CACNA2D1: variants seen among roughly 807,000 people sequenced by gnomAD.
The protein encoded by CACNA2D1 is voltage-dependent calcium channel subunit alpha-2/delta-1.
Under a neutral mutation model 171.5 loss-of-function variants are expected in CACNA2D1, and 53 were observed. That is an observed-to-expected ratio of 0.31 (90% confidence interval 0.25 to 0.39). CACNA2D1 has a LOEUF of 0.39. Among genes scored for constraint, CACNA2D1 ranks in the 10% least tolerant of loss-of-function variants. The probability of loss-of-function intolerance (pLI) is 1.00; values close to 1 mark genes in which losing one functional copy is unlikely to be tolerated. For missense variants in CACNA2D1, 903 were observed against 1,299.8 expected (o/e 0.69, Z 4.69); for synonymous variants, 442 against 443.1 (o/e 1.00, Z 0.03).
chr7:82,400,427 A>G (rs1826251621), intron 1 of CACNA2D1, among the ~76,000 whole-genome samples: 1 of 152,112 alleles, frequency 6.6e-6, no homozygotes, highest in African/African-American at 2.4e-5. Flanking sequence ...CATCCCTTGT[A>G]AGTTGGATTA....
chr7:82,370,910 A>T (rs997961572), intron 1 of CACNA2D1, among the ~76,000 whole-genome samples: 2 of 152,226 alleles, frequency 1.3e-5, no homozygotes, highest in Admixed American at 6.5e-5. Flanking sequence ...AAAGATCCCA[A>T]GAACTTTAGT....
intron 3 of CACNA2D1, among the ~76,000 whole-genome samples, chr7:82,278,151 C>T (rs1252469185): frequency 6.6e-6 from 1 of 152,088 alleles, no homozygotes; most frequent in African/African-American, 2.4e-5. Context: ...TGGTATGATT[C>T]CCATATAAAA....
chr7:82,120,402 T>C (rs1039343551), intron 5 of CACNA2D1, among the ~76,000 whole-genome samples: 2 of 152,210 alleles, frequency 1.3e-5, no homozygotes, highest in African/African-American at 4.8e-5. Context: ...TTTTTTAAAG[T>C]CTCGATTACT....
chr7:82,024,360 A>G (rs1352711351), intron 12 of CACNA2D1, among the ~76,000 whole-genome samples: 1 of 151,594 alleles, frequency 6.6e-6, no homozygotes, highest in Admixed American at 6.6e-5. Context: ...GTAAGAGATG[A>G]TATCTCATTT....
At position 82,297,072 on chromosome 7, in the gene CACNA2D1, C is replaced by CAAAAAAAAAAAAAAAAAAAA. The variant is rs57473351; in HGVS notation, c.294+38043_294+38062dup. The stretch of plus-strand genomic sequence containing the variant: ...AAACATAGTGAGGCTCTGTGTCTAC[C>CAAAAAAAAAAAAAAAAAAAA]AAAAAAAAAAAAAAAAAAAAAAAAA... On this transcript the variant is annotated intron_variant, in intron 3 of 38. Coordinates refer to ENST00000356860, the MANE Select transcript of CACNA2D1 (RefSeq NM_000722.4). Among the ~76,000 whole-genome samples the CAAAAAAAAAAAAAAAAAAAA allele has an allele frequency of 1.7e-4, 12 of 72,238 alleles. 1 individual carries two copies. The highest frequency in any genetic ancestry group is 1.7e-4 in the Non-Finnish European group (7 of 40,438). The allele number at this position is 72,238 out of a possible 152,430, so 47.4% of individuals were successfully genotyped here.
intron 1 of CACNA2D1, among the ~76,000 whole-genome samples, chr7:82,418,257 CCT>C (rs1381231197): frequency 2.0e-5 from 3 of 152,038 alleles, no homozygotes; most frequent in Admixed American, 6.5e-5. Context: ...AAACCAGCCC[CCT>C]GATTCAATTA....
At chr7:82,357,080 T>C (rs889315553) in intron 1 of CACNA2D1, among the ~76,000 whole-genome samples, 1 of 152,150 alleles carries the variant, frequency 6.6e-6, no homozygotes, top group African/African-American at 2.4e-5. Context: ...TACTTCACTT[T>C]ATTGTACAGA....
chr7:82,296,882 G>A (rs1236685005), intron 3 of CACNA2D1, among the ~76,000 whole-genome samples: 4 of 151,912 alleles, frequency 2.6e-5, no homozygotes, highest in Admixed American at 2.6e-4. Context: ...GACTGCCTAT[G>A]TATCTGCAAA....
chr7:81,957,447 G>C (rs987388076), intron 38 of CACNA2D1, among the ~76,000 whole-genome samples: 4 of 151,994 alleles, frequency 2.6e-5, no homozygotes, highest in African/African-American at 9.7e-5. Flanking sequence ...AAAAATTAGA[G>C]AAAGTGACTG....
At chr7:82,012,126 T>A in intron 15 of CACNA2D1, 28 bp downstream of exon 15, 2 of 1,263,064 alleles carry the variant, frequency 1.6e-6, no homozygotes, top group Non-Finnish European at 2.3e-6. Context: ...GTTATGACAG[T>A]CTTTGACTGA....
At chr7:82,026,716 A>G (rs1347532708) in intron 12 of CACNA2D1, among the ~76,000 whole-genome samples, 1 of 151,728 alleles carries the variant, frequency 6.6e-6, no homozygotes, top group Non-Finnish European at 1.5e-5. Flanking sequence ...AAGTTAGAAC[A>G]TGTTCCTCAA....
At chr7:82,418,482 T>C (rs1419317027) in intron 1 of CACNA2D1, among the ~76,000 whole-genome samples, 1 of 152,172 alleles carries the variant, frequency 6.6e-6, no homozygotes, top group East Asian at 1.9e-4. Flanking sequence ...GCAGAGATAC[T>C]ACTTTTTGAT....
intron 4 of CACNA2D1, among the ~76,000 whole-genome samples, chr7:82,138,735 C>T (rs1478369451): frequency 2.0e-5 from 3 of 152,084 alleles, no homozygotes; most frequent in East Asian, 1.9e-4. Context: ...CGTGAGCCAC[C>T]GCGCCCGACC....
At position 82,009,663 on chromosome 7, in the gene CACNA2D1, A is replaced by C. The variant is rs375955890; in HGVS notation, c.1363-1907T>G. Among the ~76,000 whole-genome samples, 7 of 152,082 alleles carry C rather than the reference A, an allele frequency of 4.6e-5. No homozygotes were observed. The East Asian group carries it at 1.3e-3, about 29-fold the overall frequency. ...CATAATTTGCTTCTAAAAATGGTAA[A>C]ATGTAGCCTAAAGTGAGTTACTAGA... On this transcript the variant is annotated intron_variant, in intron 15 of 38. Coordinates refer to ENST00000356860, the MANE Select transcript of CACNA2D1 (RefSeq NM_000722.4).
intron 10 of CACNA2D1, among the ~76,000 whole-genome samples, chr7:82,058,250 G>A (rs1478593949): frequency 6.6e-6 from 1 of 152,110 alleles, no homozygotes; most frequent in Non-Finnish European, 1.5e-5. Context: ...AGTGTTTCCT[G>A]TGATCACCTC....
At chr7:82,039,317 TTTA>T (rs1297674938) in intron 10 of CACNA2D1, among the ~76,000 whole-genome samples, 4 of 152,142 alleles carry the variant, frequency 2.6e-5, no homozygotes, top group African/African-American at 9.7e-5. Flanking sequence ...AGTTCATCAG[TTTA>T]TTAAGCAAAT....
chr7:82,280,066 C>A (rs2129371276), intron 3 of CACNA2D1, among the ~76,000 whole-genome samples: 1 of 152,094 alleles, frequency 6.6e-6, no homozygotes, highest in Non-Finnish European at 1.5e-5. Context: ...TTTTAAAAAC[C>A]TGGTATTGAT....
intron 3 of CACNA2D1, among the ~76,000 whole-genome samples, chr7:82,276,843 T>G (rs6949723): frequency 0.34 from 51,441 of 150,746 alleles, 8,863 homozygotes; most frequent in African/African-American, 0.39. Context: ...CTGCCTCCTG[T>G]GTTCAAGCGA....
At chr7:82,044,142 C>T (rs1021426470) in intron 10 of CACNA2D1, among the ~76,000 whole-genome samples, 1 of 152,118 alleles carries the variant, frequency 6.6e-6, no homozygotes, top group African/African-American at 2.4e-5. Flanking sequence ...ACCTTGGCCT[C>T]CCAAGCAGCT....
Sources: allele counts gnomAD v4.1 joint callset (sites outside exome capture counted in the v4.1 genomes callset), GRCh38; gene constraint gnomAD v4.1.1; transcripts MANE v1.5; gene names NCBI Gene and HGNC (gene_info 2026-07-23, HGNC 2026-07-21).